HAUS2: variants seen among roughly 807,000 people sequenced by gnomAD.
The protein encoded by HAUS2 is HAUS augmin like complex subunit 2, also known as HAUS augmin-like complex subunit 2.
A neutral mutation model predicts 21.6 loss-of-function variants in HAUS2; 20 were observed. The ratio of observed to expected loss-of-function variants is 0.93; its 90% CI spans 0.65 to 1.35. The LOEUF is 1.35. Among genes scored for constraint, HAUS2 ranks in the 40% most tolerant of loss-of-function variants. The pLI is 0.00. For missense variants in HAUS2, 297 were observed against 280.7 expected (o/e 1.06, Z -0.42); for synonymous variants, 113 against 95.6 (o/e 1.18, Z -1.06).
intron 2 of HAUS2, among the ~76,000 whole-genome samples, chr15:42,559,094 C>T (rs1218159585): frequency 1.3e-5 from 2 of 150,956 alleles, no homozygotes; most frequent in East Asian, 3.9e-4. Flanking sequence ...AGCAGCAGGG[C>T]AAGAACAGCA....
intron 5 of HAUS2, among the ~76,000 whole-genome samples, chr15:42,566,293 A>G (rs2057906272): frequency 6.6e-6 from 1 of 152,086 alleles, no homozygotes; most frequent in African/African-American, 2.4e-5. Flanking sequence ...AGTTAGACTG[A>G]GTTTGAGATA....
At chr15:42,556,122 A>ATTTT (rs760982814) in intron 1 of HAUS2, among the ~76,000 whole-genome samples, 1 of 133,562 alleles carries the variant, frequency 7.5e-6, no homozygotes, top group Non-Finnish European at 1.6e-5. Flanking sequence ...CGCCTGGCTA[A>ATTTT]TTTTTTTTTT....
chr15:42,561,290 C>A lies in HAUS2; in HGVS notation c.277C>A (p.Gln93Lys). Residue 93 changes from glutamine (Q) to lysine (K), a missense_variant, in exon 4 of 6, where the codon CAA becomes AAA. Gln to Lys is a moderately conservative substitution (Grantham distance 53). Coordinates refer to ENST00000260372, the MANE Select transcript of HAUS2 (RefSeq NM_018097.3). The stretch of plus-strand genomic sequence containing the variant: ...TATAGCTCAGAAGTGTCATACTCTG[C>A]AAAGCATGAATAATCATTTGGAAGC... ...FFLAQKCHTL[Q>K]SMNNHLEAVL... 1 of 1,561,460 alleles carries A rather than the reference C, an allele frequency of 6.4e-7. No homozygotes were observed. Among genetic ancestry groups the A allele is most frequent in the Non-Finnish European group, 8.8e-7 (1 of 1,132,248 alleles).
At chr15:42,551,850 A>G (rs997742642) in intron 1 of HAUS2, among the ~76,000 whole-genome samples, 14 of 152,178 alleles carry the variant, frequency 9.2e-5, no homozygotes, top group Admixed American at 2.0e-4. Flanking sequence ...TTTTACCTAC[A>G]GTTAACATGT....
At chr15:42,558,121 A>C (rs1595551279) in intron 1 of HAUS2, 77 bp from the exon 2 acceptor site, 1 of 683,782 alleles carries the variant, frequency 1.5e-6, no homozygotes. Flanking sequence ...CATATTTTAG[A>C]CTATGGGCAT....
At chr15:42,559,590 A>G (rs1352069742) in intron 3 of HAUS2, among the ~76,000 whole-genome samples, 182 bp downstream of exon 3, 1 of 152,228 alleles carries the variant, frequency 6.6e-6, no homozygotes, top group African/African-American at 2.4e-5. Flanking sequence ...TAGTACAAAT[A>G]GCATAAAAAG....
rs2141611015 is a variant in HAUS2 at position 42,568,703 on chromosome 15, A to G, written c.*1887A>G. 1 of 152,262 alleles carries G rather than the reference A, an allele frequency of 6.6e-6. No homozygotes were observed. The highest frequency in any genetic ancestry group is 1.5e-5 in the Non-Finnish European group (1 of 68,016). 9.4% of individuals were successfully genotyped at this position (152,262 alleles called of 1,614,324 possible). ...TACCTACGTGACCAGCCCCCAGTAAAAACCCTGGGCACTGTATCTCTAACA... is the reference window on the plus strand; with the variant it reads ...TACCTACGTGACCAGCCCCCAGTAAGAACCCTGGGCACTGTATCTCTAACA... On this transcript the variant is annotated 3_prime_UTR_variant, in exon 6 of 6. Transcript: ENST00000260372.
intron 1 of HAUS2, among the ~76,000 whole-genome samples, chr15:42,557,025 CAA>C (rs952080313): frequency 1.1e-4 from 17 of 150,826 alleles, no homozygotes; most frequent in African/African-American, 3.4e-4. Flanking sequence ...GCCTGGGTGA[CAA>C]GAGCGAAACT....
rs191926586 is a variant in HAUS2 at position 42,548,951 on chromosome 15, G to C, written c.79G>C (p.Gly27Arg). The change falls in exon 1 of 6, where the codon GGG (glycine) becomes CGG (arginine). Residue 27 changes from glycine (G) to arginine (R), a missense_variant. Physicochemically the swap from Gly to Arg is moderately radical, Grantham distance 125 (BLOSUM62 -2). Transcript: ENST00000260372. The part of the protein sequence containing the change: ...GLVLGHFIAS[G>R]MVNQEMLNMS... ...AGTGCTAGGCCACTTCATAGCTTCG[G>C]GGATGGTCAATCAGGTACGTGGGGG... is the stretch of plus-strand genomic sequence containing the variant. 1 of 1,550,380 alleles carries C rather than the reference G, an allele frequency of 6.5e-7. No homozygotes were observed. The highest frequency in any genetic ancestry group is 1.4e-5 in the African/African-American group (1 of 73,404).
At chr15:42,558,105 T>G in intron 1 of HAUS2, 93 bp from the exon 2 acceptor site, 1 of 643,784 alleles carries the variant, frequency 1.6e-6, no homozygotes. Flanking sequence ...GAACATAATA[T>G]TTTCTCATAT....
chr15:42,559,284 C>A (rs1347021653), intron 2 of HAUS2, 55 bp from the exon 3 acceptor site: 2 of 1,031,650 alleles, frequency 1.9e-6, no homozygotes, highest in Non-Finnish European at 3.1e-6. Context: ...AGCCACCGCA[C>A]CTGGCCATGG....
intron 3 of HAUS2, 104 bp downstream of exon 3, chr15:42,559,512 C>T: frequency 1.4e-6 from 1 of 707,326 alleles, no homozygotes; most frequent in Non-Finnish European, 2.6e-6. Flanking sequence ...ATCATTTTTC[C>T]AGGTGTTGTC....
At chr15:42,560,720 C>T in intron 3 of HAUS2, 2 of 685,192 alleles carry the variant, frequency 2.9e-6, no homozygotes, top group South Asian at 3.1e-5. Context: ...TCTCAAGTAG[C>T]TAGGACTACT....
chr15:42,550,025 G>T (rs959810641), intron 1 of HAUS2, among the ~76,000 whole-genome samples: 3 of 151,946 alleles, frequency 2.0e-5, no homozygotes, highest in Non-Finnish European at 2.9e-5. Context: ...GAGAAAAATG[G>T]GGAAATAAAT....
At chr15:42,554,650 C>G (rs903406803) in intron 1 of HAUS2, among the ~76,000 whole-genome samples, 7 of 151,542 alleles carry the variant, frequency 4.6e-5, no homozygotes, top group Admixed American at 4.6e-4. Context: ...GTCATCATGC[C>G]TGGCTGATTT....
intron 1 of HAUS2, among the ~76,000 whole-genome samples, chr15:42,557,497 G>A (rs143436680): frequency 0.068 from 2,401 of 35,136 alleles, 297 homozygotes; most frequent in African/African-American, 0.15. Context: ...TATATACATT[G>A]TATATAATGT....
At chr15:42,554,889 A>G (rs923636066) in intron 1 of HAUS2, among the ~76,000 whole-genome samples, 9 of 151,434 alleles carry the variant, frequency 5.9e-5, no homozygotes, top group Non-Finnish European at 1.0e-4. Context: ...TTGCAGTAGC[A>G]TGATCACAGC....
rs562376855 is a variant in HAUS2 at position 42,568,007 on chromosome 15, C to T, written c.*1191C>T. 3.2e-4 allele frequency: 35 copies of T among 109,772 alleles called. No individual in the cohort carries two copies. The highest frequency in any genetic ancestry group is 1.1e-3 in the African/African-American group (35 of 30,568). 6.8% of individuals were successfully genotyped at this position (109,772 alleles called of 1,614,324 possible). A position where few individuals can be genotyped will look rare whatever the true frequency, so the allele number is the denominator to read the frequency against. Reference sequence around the variant, plus strand: ...CTCTAGCCTGGGCAACAGAGCAAGACTCTGTCTTAAAAAAAAAAAAAAAAG... The same window carrying T: ...CTCTAGCCTGGGCAACAGAGCAAGATTCTGTCTTAAAAAAAAAAAAAAAAG... On this transcript the variant is annotated 3_prime_UTR_variant, in exon 6 of 6. Coordinates refer to ENST00000260372, the MANE Select transcript of HAUS2 (RefSeq NM_018097.3).
At chr15:42,556,462 A>G (rs2057776759) in intron 1 of HAUS2, among the ~76,000 whole-genome samples, 1 of 150,828 alleles carries the variant, frequency 6.6e-6, no homozygotes, top group Non-Finnish European at 1.5e-5. Flanking sequence ...ACGGGGTTTC[A>G]CCATGTTGTC....
Sources: allele counts gnomAD v4.1 joint callset (sites outside exome capture counted in the v4.1 genomes callset), GRCh38; gene constraint gnomAD v4.1.1; transcripts MANE v1.5; gene names NCBI Gene and HGNC (gene_info 2026-07-23, HGNC 2026-07-21).